SRD5A2: variants seen among roughly 807,000 people sequenced by gnomAD.
The protein encoded by SRD5A2 is steroid 5 alpha-reductase 2, also known as 3-oxo-5-alpha-steroid 4-dehydrogenase 2.
In SRD5A2, 30 loss-of-function variants were observed where a neutral mutation model predicts 27.4. The ratio of observed to expected loss-of-function variants is 1.10; its 90% CI spans 0.82 to 1.49. The LOEUF (loss-of-function observed/expected upper bound fraction) is 1.49, where lower values mean the gene tolerates loss of function less well. SRD5A2 is among the 40% of genes most tolerant of loss of function. The pLI, the probability that SRD5A2 is intolerant of heterozygous loss-of-function variation, is 0.00. For missense variants in SRD5A2, 348 were observed against 323.4 expected (o/e 1.08, Z -0.58); for synonymous variants, 141 against 133.6 (o/e 1.06, Z -0.38).
chr2:31,532,361 TCACACACA>T (rs35752905), intron 2 of SRD5A2, among the ~76,000 whole-genome samples: 380 of 143,796 alleles, frequency 2.6e-3, no homozygotes, highest in African/African-American at 4.5e-3. Context: ...CACTGCCAGT[TCACACACA>T]CACACACACA....
chr2:31,586,712 T>C, the SRD5A2 span, among the ~76,000 whole-genome samples: 1 of 152,214 alleles, frequency 6.6e-6, no homozygotes, highest in African/African-American at 2.4e-5. Flanking sequence ...CTAAAGCAGA[T>C]ACAGCATAGA....
chr2:31,529,736 T>C (rs1425972744), intron 3 of SRD5A2, among the ~76,000 whole-genome samples: 5 of 152,196 alleles, frequency 3.3e-5, no homozygotes, highest in Admixed American at 3.3e-4. Context: ...CCACTAGCTT[T>C]GGGTAGGATA....
the SRD5A2 span, among the ~76,000 whole-genome samples, chr2:31,638,016 T>C: frequency 2.8e-4 from 42 of 152,126 alleles, no homozygotes; most frequent in Admixed American, 1.2e-3. Flanking sequence ...AGATGCATCA[T>C]TAGGTTGTTT....
At chr2:31,583,355 T>G (rs1166101465), upstream of SRD5A2, among the ~76,000 whole-genome samples, 5 of 152,304 alleles carry the variant, frequency 3.3e-5, no homozygotes, top group Middle Eastern at 0.017. Context: ...TCAAGTCATA[T>G]GGTGGATTCT....
the SRD5A2 span, among the ~76,000 whole-genome samples, chr2:31,652,166 G>T: frequency 9.5e-3 from 1,442 of 152,144 alleles, 20 homozygotes; most frequent in South Asian, 0.044. Flanking sequence ...ATGTTGTTCA[G>T]GCTGGTCTTA....
At chr2:31,612,335 G>GCAA in the SRD5A2 span, among the ~76,000 whole-genome samples, 1 of 149,738 alleles carries the variant, frequency 6.7e-6, no homozygotes, top group African/African-American at 2.4e-5. Context: ...ATTGAGTCAT[G>GCAA]CAACAACAAC....
At chr2:31,604,404 C>T in the SRD5A2 span, among the ~76,000 whole-genome samples, 1 of 151,500 alleles carries the variant, frequency 6.6e-6, no homozygotes, top group Non-Finnish European at 1.5e-5. Flanking sequence ...ATTTAATTTA[C>T]AAAAATTATT....
chr2:31,587,782 C>T, the SRD5A2 span, among the ~76,000 whole-genome samples: 1 of 152,016 alleles, frequency 6.6e-6, no homozygotes, highest in Non-Finnish European at 1.5e-5. Context: ...AGCGTTAGGA[C>T]AAATACCAAA....
chr2:31,597,751 A>C, the SRD5A2 span, among the ~76,000 whole-genome samples: 1 of 152,098 alleles, frequency 6.6e-6, no homozygotes. Flanking sequence ...ACCACAATGC[A>C]ATACCACCTT....
the SRD5A2 span, among the ~76,000 whole-genome samples, chr2:31,588,829 A>G: frequency 6.6e-6 from 1 of 152,192 alleles, no homozygotes; most frequent in Non-Finnish European, 1.5e-5. Context: ...AAAAAATCAT[A>G]ACTATATCAC....
At chr2:31,594,257 A>G in the SRD5A2 span, among the ~76,000 whole-genome samples, 1 of 152,176 alleles carries the variant, frequency 6.6e-6, no homozygotes, top group Non-Finnish European at 1.5e-5. Context: ...ATACAGAATG[A>G]CAGAATACAT....
At chr2:31,545,062 A>T (rs933024547) in intron 1 of SRD5A2, among the ~76,000 whole-genome samples, 12 of 149,148 alleles carry the variant, frequency 8.0e-5, no homozygotes, top group African/African-American at 3.0e-4. Context: ...GTAATCAAAA[A>T]TCAAAATCTC....
At chr2:31,631,115 T>A in the SRD5A2 span, among the ~76,000 whole-genome samples, 3 of 152,308 alleles carry the variant, frequency 2.0e-5, no homozygotes, top group South Asian at 6.2e-4. Flanking sequence ...CTGAAATGAA[T>A]TTGCATAAGA....
chr2:31,544,749 A>C (rs1285185605), intron 1 of SRD5A2, among the ~76,000 whole-genome samples: 1 of 151,962 alleles, frequency 6.6e-6, no homozygotes, highest in East Asian at 1.9e-4. Context: ...GGTAAAACCA[A>C]TAAAACCAAA....
intron 1 of SRD5A2, among the ~76,000 whole-genome samples, chr2:31,566,392 T>A (rs183971485): frequency 1.3e-5 from 2 of 152,090 alleles, no homozygotes; most frequent in East Asian, 3.9e-4. Context: ...ACAAAATCAA[T>A]AGTGAAACTC....
At chr2:31,625,045 T>C in the SRD5A2 span, among the ~76,000 whole-genome samples, 2 of 152,124 alleles carry the variant, frequency 1.3e-5, no homozygotes, top group African/African-American at 2.4e-5. Flanking sequence ...TTTTAATGAT[T>C]GCCATTCTAA....
intron 1 of SRD5A2, among the ~76,000 whole-genome samples, chr2:31,568,797 T>G (rs1666789552): frequency 6.6e-6 from 1 of 152,150 alleles, no homozygotes; most frequent in Non-Finnish European, 1.5e-5. Context: ...CAGCCCCCAC[T>G]TGCCCCTCCT....
the SRD5A2 span, among the ~76,000 whole-genome samples, chr2:31,625,352 T>G: frequency 6.6e-6 from 1 of 152,094 alleles, no homozygotes; most frequent in Non-Finnish European, 1.5e-5. Context: ...TGTGCAGAAG[T>G]TCTTTAGTTT....
At chr2:31,577,427 C>A (rs1002243071) in intron 1 of SRD5A2, among the ~76,000 whole-genome samples, 8 of 152,160 alleles carry the variant, frequency 5.3e-5, no homozygotes, top group African/African-American at 1.9e-4. Context: ...ATGCATTCAA[C>A]AAATTCTAGT....
Sources: allele counts gnomAD v4.1 joint callset (sites outside exome capture counted in the v4.1 genomes callset), GRCh38; gene constraint gnomAD v4.1.1; transcripts MANE v1.5; gene names NCBI Gene and HGNC (gene_info 2026-07-23, HGNC 2026-07-21).